TRAK1: variants seen among roughly 807,000 people sequenced by gnomAD.
The protein encoded by TRAK1 is trafficking kinesin protein 1.
A neutral mutation model predicts 92.1 loss-of-function variants in TRAK1; 33 were observed. The observed-to-expected ratio is 0.36, with a 90% CI of 0.27 to 0.48. The LOEUF (loss-of-function observed/expected upper bound fraction) is 0.48, where lower values mean the gene tolerates loss of function less well. TRAK1 is among the 20% of genes least tolerant of loss of function. The probability of loss-of-function intolerance (pLI) is 0.99; values close to 1 mark genes in which losing one functional copy is unlikely to be tolerated. For missense variants in TRAK1, 1,123 were observed against 1,257.9 expected (o/e 0.89, Z 1.62); for synonymous variants, 521 against 517.3 (o/e 1.01, Z -0.10).
At chr3:42,086,597 G>C (rs1411224918), upstream of TRAK1, among the ~76,000 whole-genome samples, 1 of 152,086 alleles carries the variant, frequency 6.6e-6, no homozygotes, top group Non-Finnish European at 1.5e-5. Context: ...GATTACAGGA[G>C]TGAGTCACCG....
intron 1 of TRAK1, among the ~76,000 whole-genome samples, chr3:42,050,701 A>G (rs568988852): frequency 1.3e-5 from 2 of 152,112 alleles, no homozygotes; most frequent in African/African-American, 4.8e-5. Flanking sequence ...TCTATTGCCC[A>G]GGTTGGAGTA....
At chr3:42,220,874 C>G (rs1232336422) in intron 15 of TRAK1, among the ~76,000 whole-genome samples, 1 of 152,148 alleles carries the variant, frequency 6.6e-6, no homozygotes, top group African/African-American at 2.4e-5. Context: ...AACTTGGCTT[C>G]CTCATCCTGT....
At position 42,109,849 on chromosome 3, in the gene TRAK1, A is replaced by G. The variant is rs1370144143; in HGVS notation, c.92-15571A>G. On this transcript the variant is annotated intron_variant, in intron 1 of 15. Transcript: ENST00000327628. The stretch of plus-strand genomic sequence containing the variant: ...CCATCATTCTCAGCAAACTGTCCCA[A>G]GGACAGAAAACCAAACACCGCATTT... 3.9e-5 allele frequency among the ~76,000 whole-genome samples: 6 copies of G among 152,122 alleles called. No homozygotes were observed. The East Asian group carries it at 7.7e-4, about 20-fold the overall frequency.
intron 1 of TRAK1, among the ~76,000 whole-genome samples, chr3:42,096,288 T>C (rs1280811473): frequency 6.6e-6 from 1 of 152,250 alleles, no homozygotes; most frequent in Admixed American, 6.5e-5. Flanking sequence ...AGTCTTGCTC[T>C]GTTGCTCAGG....
At chr3:42,058,496 C>G (rs576889255) in intron 1 of TRAK1, among the ~76,000 whole-genome samples, 4 of 152,190 alleles carry the variant, frequency 2.6e-5, no homozygotes, top group African/African-American at 9.7e-5. Context: ...CCCGCCACAA[C>G]GCCCAGCTTA....
upstream of TRAK1, among the ~76,000 whole-genome samples, chr3:42,084,714 T>C (rs1222432429): frequency 1.3e-5 from 2 of 152,210 alleles, no homozygotes; most frequent in Admixed American, 6.5e-5. Flanking sequence ...TCTGGGTTCT[T>C]CTTGAGGATT....
At position 42,058,496 on chromosome 3, in the gene TRAK1, C is replaced by T. The variant is rs576889255; in HGVS notation, c.-518-28608C>T. 1.6e-3 allele frequency among the ~76,000 whole-genome samples: 251 copies of T among 152,304 alleles called. 1 individual carries two copies. Among genetic ancestry groups the T allele is most frequent in the African/African-American group, 5.6e-3 (231 of 41,558 alleles). On this transcript the variant is annotated intron_variant, in intron 1 of 16. Coordinates refer to the TRAK1 transcript ENST00000487159. ...GGGATTACAGGCGCCCCCGCCACAACGCCCAGCTTATTTTTTAATGTATTT... is the reference window on the plus strand; with the variant it reads ...GGGATTACAGGCGCCCCCGCCACAATGCCCAGCTTATTTTTTAATGTATTT...
chr3:42,167,792 A>G (rs1056142771), intron 2 of TRAK1, among the ~76,000 whole-genome samples: 1 of 152,204 alleles, frequency 6.6e-6, no homozygotes, highest in Admixed American at 6.5e-5. Context: ...AGGCAGGAGA[A>G]TGGCATGAAC....
chr3:42,201,108 T>C (rs369244077), intron 12 of TRAK1, 54 bp downstream of exon 12: 4 of 1,554,718 alleles, frequency 2.6e-6, no homozygotes, highest in African/African-American at 1.4e-5. Flanking sequence ...AGTGGTAGTA[T>C]GGATTGTCTG....
At chr3:42,073,176 G>A (rs1048989794) in intron 1 of TRAK1, among the ~76,000 whole-genome samples, 6 of 152,314 alleles carry the variant, frequency 3.9e-5, no homozygotes, top group Admixed American at 2.0e-4. Flanking sequence ...TGCTGTTCAG[G>A]AGGCCCTGGG....
intron 2 of TRAK1, among the ~76,000 whole-genome samples, chr3:42,164,506 A>G (rs1383902403): frequency 6.6e-6 from 1 of 152,206 alleles, no homozygotes; most frequent in Non-Finnish European, 1.5e-5. Flanking sequence ...AGCTCGAAGC[A>G]CAGAGCTGGG....
chr3:42,113,360 ACG>A (rs1708723699), intron 1 of TRAK1, among the ~76,000 whole-genome samples: 3 of 144,322 alleles, frequency 2.1e-5, no homozygotes, highest in African/African-American at 5.2e-5. Flanking sequence ...TCCTACGCCT[ACG>A]CCTACGCCTA....
chr3:42,145,891 G>A (rs1300305223), intron 2 of TRAK1: 1 of 255,494 alleles, frequency 3.9e-6, no homozygotes, highest in Admixed American at 5.5e-5. Context: ...TCTGCATAGT[G>A]TTTGAAATCT....
At chr3:42,023,374 G>A (rs1701796115) in intron 1 of TRAK1, among the ~76,000 whole-genome samples, 1 of 152,084 alleles carries the variant, frequency 6.6e-6, no homozygotes, top group African/African-American at 2.4e-5. Context: ...GCAGTCTGTA[G>A]ATGTTCCAAA....
intron 6 of TRAK1, 68 bp downstream of exon 6, chr3:42,189,192 G>T: frequency 8.1e-7 from 1 of 1,227,264 alleles, no homozygotes; most frequent in East Asian, 2.3e-5. Context: ...ATCTGGCAAG[G>T]ACAACCATGG....
At chr3:42,043,504 A>G (rs1008490663) in intron 1 of TRAK1, among the ~76,000 whole-genome samples, 5 of 144,532 alleles carry the variant, frequency 3.5e-5, no homozygotes, top group Admixed American at 6.9e-5. Context: ...CTCCACCCCT[A>G]CCCCCAGCCC....
At chr3:42,162,346 C>G (rs1433540707) in intron 2 of TRAK1, among the ~76,000 whole-genome samples, 1 of 151,210 alleles carries the variant, frequency 6.6e-6, no homozygotes, top group Non-Finnish European at 1.5e-5. Context: ...CTCTTTCTCT[C>G]TCTCATTATA....
intron 2 of TRAK1, chr3:42,146,186 G>A: frequency 2.9e-6 from 1 of 341,654 alleles, no homozygotes; most frequent in Non-Finnish European, 5.8e-6. Context: ...AATACCTTCA[G>A]TCTACTCTCA....
At chr3:42,210,468 G>T in intron 14 of TRAK1, 5 of 1,253,728 alleles carry the variant, frequency 4.0e-6, no homozygotes, top group Non-Finnish European at 5.0e-6. Context: ...CCTTCTTCCT[G>T]GTCTGGGTGT....
Sources: allele counts gnomAD v4.1 joint callset (sites outside exome capture counted in the v4.1 genomes callset), GRCh38; gene constraint gnomAD v4.1.1; transcripts MANE v1.5; gene names NCBI Gene and HGNC (gene_info 2026-07-23, HGNC 2026-07-21).